The following ZFP62 variants were observed in gnomAD, a reference collection of about 807,000 sequenced individuals.
The protein encoded by ZFP62 is zinc finger protein 62 homolog.
In ZFP62, 44 loss-of-function variants were observed where a neutral mutation model predicts 56.4. The observed-to-expected ratio is 0.78, with a 90% CI of 0.61 to 1.00. The LOEUF is 1.00. Among genes scored for constraint, ZFP62 ranks in the 50% least tolerant of loss-of-function variants. The pLI, the probability that ZFP62 is intolerant of heterozygous loss-of-function variation, is 0.00. For synonymous variants in ZFP62, 421 were observed against 388.9 expected, an observed-to-expected ratio of 1.08 and a Z score of -0.97; for missense variants, 1,030 against 1,085.7, an observed-to-expected ratio of 0.95 and a Z score of 0.72.
intron 1 of ZFP62, among the ~76,000 whole-genome samples, chr5:180,852,234 G>C (rs1773748281): frequency 6.6e-6 from 1 of 152,256 alleles, no homozygotes; most frequent in South Asian, 2.1e-4. Flanking sequence ...TTTTAATAGT[G>C]TTGTAACAAC....
the ZFP62 span, chr5:180,830,035 AC>A: frequency 1.3e-5 from 2 of 151,134 alleles, no homozygotes; most frequent in African/African-American, 4.9e-5. Flanking sequence ...GGTGTGCTAG[AC>A]CTTTACTCTC....
chr5:180,857,064 G>A (rs1041348634), intron 1 of ZFP62, among the ~76,000 whole-genome samples: 4 of 151,816 alleles, frequency 2.6e-5, no homozygotes, highest in South Asian at 2.1e-4. Context: ...GGAAGAGCAG[G>A]TACAGAGGAA....
the ZFP62 span, chr5:180,835,186 A>T: frequency 2.6e-5 from 4 of 152,362 alleles, no homozygotes; most frequent in East Asian, 5.8e-4. Flanking sequence ...AGTAGGGAAG[A>T]TCAACCCTCA....
In ZFP62 at chr5:180,851,225, AG is replaced by A. The variant is rs1561905914; in HGVS notation, c.269del (p.Ser90LeufsTer7). On this transcript the variant is annotated frameshift_variant, in exon 2 of 2. Transcript: ENST00000502412. LOFTEE classifies it high-confidence loss of function. Reference sequence around the variant, plus strand: ...GTGGGCTCAGATGCAAGCTCTTCTCAGATGCCTCACCTTCCTGTTCTGTCTT... The same window carrying A: ...GTGGGCTCAGATGCAAGCTCTTCTCAATGCCTCACCTTCCTGTTCTGTCTT... ...NIKTEQEGEA[S>X]EKSLHLSPQH... The A allele has an allele frequency of 6.4e-7, 1 of 1,551,616 alleles. No homozygotes were observed. Among genetic ancestry groups the A allele is most frequent in the Admixed American group, 2.0e-5 (1 of 50,990 alleles).
At position 180,849,101 on chromosome 5, in the gene ZFP62, T is replaced by C; in HGVS notation, c.2394A>G (p.Ser798=). 1 of 1,554,656 alleles carries C rather than the reference T, an allele frequency of 6.4e-7. No homozygotes were observed. The highest frequency in any genetic ancestry group is 8.7e-7 in the Non-Finnish European group (1 of 1,148,798). The change falls in exon 2 of 2, where the codon TCA becomes TCG. Residue 798 remains serine (S), a synonymous_variant. Transcript: ENST00000502412. ...DECGKAYISH[S]SLINHKSVHQ... is the part of the protein sequence containing the mutation. ...GGACACTTTTATGATTGATAAGACT[T>C]GAGTGTGAGATGTATGCCTTCCCAC...
chr5:180,844,207 C>T (rs909021946), downstream of ZFP62, among the ~76,000 whole-genome samples: 1 of 152,302 alleles, frequency 6.6e-6, no homozygotes, highest in South Asian at 2.1e-4. Context: ...AACGTTTGTA[C>T]AAAATTTTTA....
In ZFP62 at chr5:180,850,917, C is replaced by T; in HGVS notation, c.578G>A (p.Gly193Glu). The T allele has an allele frequency of 6.4e-7, 1 of 1,564,110 alleles. No homozygotes were observed. Among genetic ancestry groups the T allele is most frequent in the Non-Finnish European group, 8.7e-7 (1 of 1,154,676 alleles). The change falls in exon 2 of 2, where the codon GGG (glycine) becomes GAG (glutamate). Residue 193 changes from glycine (G) to glutamate (E), a missense_variant. Gly to Glu is a moderately conservative substitution (Grantham distance 98). Coordinates refer to ENST00000502412, the MANE Select transcript of ZFP62 (RefSeq NM_001172638.2). ...SLRVHKRIHT[G>E]EKPYKCEECG... is the part of the protein sequence containing the mutation. Reference sequence around the variant, plus strand: ...TTCCTCACACTTGTACGGCTTCTCCCCAGTGTGGATCCGTTTGTGGACCCG... The same window carrying T: ...TTCCTCACACTTGTACGGCTTCTCCTCAGTGTGGATCCGTTTGTGGACCCG...
intron 1 of ZFP62, among the ~76,000 whole-genome samples, chr5:180,856,813 G>A (rs1774005023): frequency 1.3e-5 from 2 of 151,908 alleles, no homozygotes. Context: ...AAATGGCCGG[G>A]CATGGTGGTG....
the ZFP62 span, among the ~76,000 whole-genome samples, chr5:180,839,152 T>C: frequency 6.6e-6 from 1 of 152,232 alleles, no homozygotes; most frequent in Non-Finnish European, 1.5e-5. Context: ...GCCAATATCA[T>C]GTATATACAG....
At chr5:180,860,114 G>A (rs191615342) in intron 1 of ZFP62, among the ~76,000 whole-genome samples, 15 of 152,268 alleles carry the variant, frequency 9.9e-5, no homozygotes, top group Admixed American at 9.2e-4. Context: ...AAGATAAAGT[G>A]AAAGAATCAA....
the ZFP62 span, among the ~76,000 whole-genome samples, chr5:180,828,027 C>T: frequency 6.6e-6 from 1 of 152,194 alleles, no homozygotes; most frequent in Non-Finnish European, 1.5e-5. Flanking sequence ...CTGACACATC[C>T]CCCTCTCGGA....
the ZFP62 span, among the ~76,000 whole-genome samples, chr5:180,840,700 G>A: frequency 2.0e-5 from 3 of 152,090 alleles, no homozygotes; most frequent in East Asian, 3.9e-4. Flanking sequence ...AGGTTGCAGT[G>A]AGCCAAGATC....
At chr5:180,831,400 C>T in the ZFP62 span, 1 of 151,702 alleles carries the variant, frequency 6.6e-6, no homozygotes, top group Non-Finnish European at 1.5e-5. Flanking sequence ...CGCGCAGCTT[C>T]CTGGTTTCGG....
Position 180,847,834 on chromosome 5 carries a change from A to G in ZFP62, c.*958T>C, listed in dbSNP as rs908403957. 1.2e-5 allele frequency: 12 copies of G among 985,334 alleles called. No homozygotes were observed. In the African/African-American group the frequency reaches 1.9e-4, roughly 16 times the overall value. The allele number at this position is 985,334 out of a possible 1,614,324, so 61.0% of individuals were successfully genotyped here. On this transcript the variant is annotated 3_prime_UTR_variant, in exon 2 of 2. Coordinates refer to ENST00000502412, the MANE Select transcript of ZFP62 (RefSeq NM_001172638.2). ...ACATTAATTTCCTTCTCTCTAGATG[A>G]CTGGTACTTTAGCTTTTTAGCTTCT...
the ZFP62 span, among the ~76,000 whole-genome samples, chr5:180,838,476 G>A: frequency 6.6e-6 from 1 of 152,190 alleles, no homozygotes; most frequent in Non-Finnish European, 1.5e-5. Flanking sequence ...AAGGACATTA[G>A]GACAATGAAA....
chr5:180,841,312 C>CAT, the ZFP62 span, among the ~76,000 whole-genome samples: 1 of 49,996 alleles, frequency 2.0e-5, no homozygotes, highest in Admixed American at 2.7e-4. Flanking sequence ...TATATATATA[C>CAT]ATACACACAT....
At chr5:180,841,528 G>A in the ZFP62 span, among the ~76,000 whole-genome samples, 1 of 152,030 alleles carries the variant, frequency 6.6e-6, no homozygotes, top group African/African-American at 2.4e-5. Flanking sequence ...AAAATTGTAA[G>A]GCCCAGATTA....
At chr5:180,833,237 T>C in the ZFP62 span, among the ~76,000 whole-genome samples, 1 of 151,926 alleles carries the variant, frequency 6.6e-6, no homozygotes, top group Non-Finnish European at 1.5e-5. Flanking sequence ...TCCCAGCACT[T>C]TGGGAGGCTG....
At chr5:180,833,985 T>C in the ZFP62 span, among the ~76,000 whole-genome samples, 2 of 152,164 alleles carry the variant, frequency 1.3e-5, no homozygotes, top group Non-Finnish European at 2.9e-5. Flanking sequence ...GTATTTGTTA[T>C]AGCAACCCAA....
Sources: gnomAD v4.1 joint callset for allele counts (sites outside exome capture counted in the v4.1 genomes callset) on GRCh38, gnomAD v4.1.1 for gene constraint, MANE v1.5 for transcripts, NCBI Gene and HGNC (gene_info 2026-07-23, HGNC 2026-07-21) for gene names.